Variants in KCNJ4 observed in about 807,000 individuals in gnomAD.
The protein encoded by KCNJ4 is potassium inwardly rectifying channel subfamily J member 4, also known as inward rectifier potassium channel 4.
Under a neutral mutation model 25.6 loss-of-function variants are expected in KCNJ4, and 3 were observed. The observed-to-expected ratio is 0.12, with a 90% CI of 0.05 to 0.30. The LOEUF (loss-of-function observed/expected upper bound fraction) is 0.30. Ranked by LOEUF, KCNJ4 falls within the 10% of genes least tolerant of loss-of-function variation. The pLI is 1.00. For missense variants in KCNJ4, 286 were observed against 666.8 expected (o/e 0.43, Z 6.29); for synonymous variants, 257 against 283.9 (o/e 0.91, Z 0.95).
At chr22:38,431,469 G>T (rs184651171) in intron 1 of KCNJ4, among the ~76,000 whole-genome samples, 84 of 152,322 alleles carry the variant, frequency 5.5e-4, no homozygotes, top group African/African-American at 1.9e-3. Context: ...TGGGGACATG[G>T]TTTACCCCTC....
intron 1 of KCNJ4, among the ~76,000 whole-genome samples, chr22:38,454,654 G>T (rs1439906602): frequency 6.6e-6 from 1 of 152,140 alleles, no homozygotes; most frequent in Admixed American, 6.5e-5. Flanking sequence ...GAAGCTCCCC[G>T]GCATGACAAC....
chr22:38,447,981 T>C lies in KCNJ4; in HGVS notation c.-40+6999A>G, dbSNP rs2089386191. On this transcript the variant is annotated intron_variant, in intron 1 of 1. Transcript: ENST00000303592. Reference sequence around the variant, plus strand: ...CGGGAGGCTGAGGCGGAAGAATCACTTGAATCTGGGAGGGGGAGGTTGCAG... The same window carrying C: ...CGGGAGGCTGAGGCGGAAGAATCACCTGAATCTGGGAGGGGGAGGTTGCAG... 1.3e-5 allele frequency among the ~76,000 whole-genome samples: 2 copies of C among 150,298 alleles called. 1 individual carries two copies. Among genetic ancestry groups the C allele is most frequent in the South Asian group, 4.2e-4 (2 of 4,790 alleles).
intron 1 of KCNJ4, among the ~76,000 whole-genome samples, chr22:38,453,085 G>A (rs1451649720): frequency 7.1e-6 from 1 of 141,576 alleles, no homozygotes; most frequent in African/African-American, 2.7e-5. Context: ...AGCCTACACT[G>A]TTCCTCCTCC....
In KCNJ4 at chr22:38,453,475, C is replaced by T. The variant is rs947269894; in HGVS notation, c.-40+1505G>A. Among the ~76,000 whole-genome samples, 9 of 152,270 alleles carry T rather than the reference C, an allele frequency of 5.9e-5. No individual in the cohort carries two copies. The East Asian group carries it at 1.2e-3, about 20-fold the overall frequency. On this transcript the variant is annotated intron_variant, in intron 1 of 1. Coordinates refer to ENST00000303592, the MANE Select transcript of KCNJ4 (RefSeq NM_152868.3). ...CCTCTAATCCTGGACACTCCTCCTTCGTCAGCTATTTCCGCCATATTCCCA... is the reference window on the plus strand; with the variant it reads ...CCTCTAATCCTGGACACTCCTCCTTTGTCAGCTATTTCCGCCATATTCCCA...
chr22:38,451,220 A>G (rs571161519), intron 1 of KCNJ4, among the ~76,000 whole-genome samples: 5 of 152,102 alleles, frequency 3.3e-5, no homozygotes, highest in Non-Finnish European at 5.9e-5. Flanking sequence ...GGAAGTGGGG[A>G]TGTTATTCGG....
intron 1 of KCNJ4, among the ~76,000 whole-genome samples, chr22:38,442,794 G>A (rs1375936176): frequency 6.6e-6 from 1 of 152,128 alleles, no homozygotes; most frequent in Non-Finnish European, 1.5e-5. Flanking sequence ...CCAGGCTGGA[G>A]TGCAGTGGCA....
intron 1 of KCNJ4, among the ~76,000 whole-genome samples, chr22:38,439,484 T>C (rs914080213): frequency 1.6e-4 from 23 of 148,270 alleles, no homozygotes; most frequent in African/African-American, 5.8e-4. Context: ...GCTTAAGAAA[T>C]ACAACATTCC....
intron 1 of KCNJ4, among the ~76,000 whole-genome samples, chr22:38,451,829 TC>T (rs1273389486): frequency 6.6e-6 from 1 of 152,124 alleles, no homozygotes; most frequent in East Asian, 1.9e-4. Flanking sequence ...TGGGTCTACT[TC>T]CCCCTCAGGC....
chr22:38,429,950 G>A (rs1445588613), intron 1 of KCNJ4, among the ~76,000 whole-genome samples: 1 of 152,218 alleles, frequency 6.6e-6, no homozygotes, highest in African/African-American at 2.4e-5. Context: ...CAACCGGTAC[G>A]CGCCAACGCT....
At chr22:38,433,710 G>T (rs1438950639) in intron 1 of KCNJ4, among the ~76,000 whole-genome samples, 1 of 152,126 alleles carries the variant, frequency 6.6e-6, no homozygotes, top group Non-Finnish European at 1.5e-5. Flanking sequence ...GCCAAGAACA[G>T]GGCATGGCAC....
intron 1 of KCNJ4, among the ~76,000 whole-genome samples, chr22:38,433,128 T>C (rs564368343): frequency 1.2e-4 from 19 of 152,196 alleles, no homozygotes; most frequent in Middle Eastern, 3.4e-3. Context: ...CTACACCAGT[T>C]ACCAGACTTT....
chr22:38,429,247 G>T (rs1211480333), intron 1 of KCNJ4, among the ~76,000 whole-genome samples: 1 of 152,178 alleles, frequency 6.6e-6, no homozygotes, highest in Non-Finnish European at 1.5e-5. Flanking sequence ...AGTGGTGAGG[G>T]GAGAATCCAA....
intron 1 of KCNJ4, among the ~76,000 whole-genome samples, chr22:38,428,529 G>T (rs920845279): frequency 2.6e-5 from 4 of 151,852 alleles, no homozygotes; most frequent in African/African-American, 9.7e-5. Context: ...TGTCCTGCTT[G>T]CCCTGAGCAT....
At chr22:38,446,172 C>A (rs1381892740) in intron 1 of KCNJ4, among the ~76,000 whole-genome samples, 1 of 152,228 alleles carries the variant, frequency 6.6e-6, no homozygotes, top group East Asian at 1.9e-4. Flanking sequence ...GTAAGCTCTG[C>A]CGGGCTGCTG....
Position 38,451,863 on chromosome 22 carries a change from C to T in KCNJ4, c.-40+3117G>A, listed in dbSNP as rs1473849991. Among the ~76,000 whole-genome samples the T allele has an allele frequency of 2.6e-5, 4 of 152,172 alleles. No homozygotes were observed. The East Asian group carries it at 5.8e-4, about 22-fold the overall frequency. On this transcript the variant is annotated intron_variant, in intron 1 of 1. Coordinates refer to ENST00000303592, the MANE Select transcript of KCNJ4 (RefSeq NM_152868.3). ...GGCCTCAGTTTCCACTTTTGTAAAA[C>T]GAAGGCATCAGACCAGTGATTTAAG...
chr22:38,427,550 C>A lies in KCNJ4; in HGVS notation c.583G>T (p.Val195Leu), dbSNP rs772182963. The A allele has an allele frequency of 3.5e-5, 56 of 1,611,072 alleles. No homozygotes were observed. Among genetic ancestry groups the A allele is most frequent in the Non-Finnish European group, 4.2e-5 (50 of 1,178,202 alleles). Residue 195 changes from valine (V) to leucine (L), a missense_variant, in exon 2 of 2, where the codon GTG becomes TTG. Transcript: ENST00000303592. ...LLFSHHAVIS[V>L]RDGKLCLMWR... ...ATGAGGCAGAGCTTGCCGTCGCGCA[C>A]CGAAATGACCGCGTGGTGGCTGAAC... is the stretch of plus-strand genomic sequence containing the variant.
intron 1 of KCNJ4, among the ~76,000 whole-genome samples, chr22:38,447,769 C>G (rs1340231344): frequency 6.6e-6 from 1 of 152,140 alleles, no homozygotes; most frequent in Non-Finnish European, 1.5e-5. Context: ...TGTGGCCCAG[C>G]TAAAGAACCC....
intron 1 of KCNJ4, among the ~76,000 whole-genome samples, chr22:38,435,030 G>A (rs2093061359): frequency 6.6e-6 from 1 of 152,236 alleles, no homozygotes; most frequent in Non-Finnish European, 1.5e-5. Context: ...CAAGAATGCT[G>A]GACTGGGAGC....
intron 1 of KCNJ4, among the ~76,000 whole-genome samples, chr22:38,437,465 G>C (rs925113199): frequency 6.6e-6 from 1 of 152,180 alleles, no homozygotes; most frequent in Non-Finnish European, 1.5e-5. Flanking sequence ...CCTCAGTGGC[G>C]GCAGGTGGGG....
Sources: allele counts gnomAD v4.1 joint callset (sites outside exome capture counted in the v4.1 genomes callset), GRCh38; gene constraint gnomAD v4.1.1; transcripts MANE v1.5; gene names NCBI Gene and HGNC (gene_info 2026-07-23, HGNC 2026-07-21).